UTRN: variants seen among roughly 807,000 people sequenced by gnomAD.
UTRN encodes the protein utrophin.
UTRN carries 283 observed loss-of-function variants against 463.9 expected under a neutral mutation model. That is an observed-to-expected ratio of 0.61 (90% CI 0.55 to 0.67). The LOEUF (loss-of-function observed/expected upper bound fraction) is 0.67. Ranked by LOEUF, UTRN falls within the 30% of genes least tolerant of loss-of-function variation. The pLI, the probability that UTRN is intolerant of heterozygous loss-of-function variation, is 0.00. For missense variants in UTRN, 3,922 were observed against 4,084.3 expected, an observed-to-expected ratio of 0.96 and a Z score of 1.08; for synonymous variants, 1,442 against 1,431.5, an observed-to-expected ratio of 1.01 and a Z score of -0.17.
intron 48 of UTRN, among the ~76,000 whole-genome samples, chr6:144,552,308 A>G (rs957968437): frequency 3.3e-5 from 5 of 152,332 alleles, no homozygotes; most frequent in Non-Finnish European, 7.3e-5. Flanking sequence ...TTTACTAAAT[A>G]CATCATTTTC....
At chr6:144,737,638 G>A (rs1789574855) in intron 54 of UTRN, among the ~76,000 whole-genome samples, 1 of 152,130 alleles carries the variant, frequency 6.6e-6, no homozygotes, top group South Asian at 2.1e-4. Flanking sequence ...TCAGATTTCT[G>A]CTTATAAATG....
At chr6:144,634,208 A>G (rs755645739) in intron 51 of UTRN, among the ~76,000 whole-genome samples, 7 of 152,224 alleles carry the variant, frequency 4.6e-5, no homozygotes, top group Non-Finnish European at 8.8e-5. Flanking sequence ...CCCAGTAAAT[A>G]GCTCATGAGA....
intron 28 of UTRN, 26 bp from the exon 29 acceptor site, chr6:144,487,522 A>ATTTTTTTT: frequency 6.5e-7 from 1 of 1,549,236 alleles, no homozygotes; most frequent in South Asian, 1.2e-5. Context: ...ATGCATTATT[A>ATTTTTTTT]TTTTTTTTTC....
intron 9 of UTRN, among the ~76,000 whole-genome samples, chr6:144,432,066 C>T (rs1277473327): frequency 2.0e-5 from 3 of 152,130 alleles, no homozygotes; most frequent in African/African-American, 2.4e-5. Context: ...ACATGTGCCA[C>T]GGGTGGTGTG....
chr6:144,469,703 C>CTTTTTTTTTTTTTTT (rs545551155), intron 23 of UTRN, among the ~76,000 whole-genome samples: 208 of 135,592 alleles, frequency 1.5e-3, no homozygotes, highest in Admixed American at 3.4e-3. Context: ...TGTTTCTTTC[C>CTTTTTTTTTTTTTTT]TTTTTTTTTT....
intron 61 of UTRN, among the ~76,000 whole-genome samples, chr6:144,788,471 C>G (rs7759693): frequency 0.46 from 69,529 of 151,832 alleles, 18,316 homozygotes; most frequent in African/African-American, 0.72. Flanking sequence ...GACTTTTCTT[C>G]CTGTATGAAG....
intron 46 of UTRN, among the ~76,000 whole-genome samples, chr6:144,547,611 T>A (rs961542092): frequency 1.3e-5 from 2 of 152,204 alleles, no homozygotes; most frequent in Non-Finnish European, 2.9e-5. Context: ...TCTTCATTGA[T>A]CTGTAATTCA....
rs764810018 is a variant in UTRN at position 144,516,278 on chromosome 6, C to T, written c.5294C>T (p.Thr1765Ile). Residue 1765 changes from threonine (T) to isoleucine (I), a missense_variant, in exon 38 of 75, where the codon ACA (threonine) becomes ATA (isoleucine). Coordinates refer to ENST00000367545, the MANE Select transcript of UTRN (RefSeq NM_007124.3). ...TACCAATGTTTGGTCACCACTGAAA[C>T]ATTTGAAACTGGTGTGCCTTTCTCT... Reference protein sequence around the residue: ...PLYQCLVTTETFETGVPFSDL... With the variant: ...PLYQCLVTTEIFETGVPFSDL... 2.5e-6 allele frequency: 4 copies of T among 1,613,688 alleles called. No individual in the cohort carries two copies. Among genetic ancestry groups the T allele is most frequent in the East Asian group, 4.5e-5 (2 of 44,848 alleles).
chr6:144,569,153 G>A (rs1367964781), intron 50 of UTRN, among the ~76,000 whole-genome samples: 2 of 151,856 alleles, frequency 1.3e-5, no homozygotes, highest in Non-Finnish European at 1.5e-5. Flanking sequence ...GGAGGTGGAG[G>A]AAACAACTAA....
At position 144,788,390 on chromosome 6, in the gene UTRN, T is replaced by G. The variant is rs1404263192; in HGVS notation, c.8835-804T>G. On this transcript the variant is annotated intron_variant, in intron 61 of 74. Coordinates refer to ENST00000367545, the MANE Select transcript of UTRN (RefSeq NM_007124.3). Reference sequence around the variant, plus strand: ...TTAATACTTAATTACCAATTAGTATTCAGCAAGTTGTAAGCTCTTAGTATA... The same window carrying G: ...TTAATACTTAATTACCAATTAGTATGCAGCAAGTTGTAAGCTCTTAGTATA... Among the ~76,000 whole-genome samples the G allele has an allele frequency of 3.3e-5, 5 of 152,280 alleles. No individual in the cohort carries two copies. The East Asian group carries it at 9.6e-4, about 29-fold the overall frequency.
At chr6:144,432,461 A>C (rs368937085) in intron 9 of UTRN, among the ~76,000 whole-genome samples, 3 of 152,222 alleles carry the variant, frequency 2.0e-5, no homozygotes, top group African/African-American at 7.2e-5. Context: ...TGGGAAAGCC[A>C]GTGAAAGGTT....
intron 51 of UTRN, among the ~76,000 whole-genome samples, chr6:144,676,119 C>T (rs1781563625): frequency 6.7e-6 from 1 of 149,714 alleles, no homozygotes; most frequent in Non-Finnish European, 1.5e-5. Flanking sequence ...CCAGATAATG[C>T]ATGCAATTGT....
chr6:144,562,213 A>G (rs542306448), intron 50 of UTRN, among the ~76,000 whole-genome samples: 8 of 152,190 alleles, frequency 5.3e-5, no homozygotes, highest in African/African-American at 1.7e-4. Flanking sequence ...ATTTTATTTT[A>G]TTTTATTTTA....
intron 63 of UTRN, among the ~76,000 whole-genome samples, chr6:144,794,355 C>A (rs1777031282): frequency 6.6e-6 from 1 of 152,126 alleles, no homozygotes; most frequent in African/African-American, 2.4e-5. Context: ...CCTGTGTCTG[C>A]TGTTTAGACG....
At chr6:144,440,546 T>C in intron 13 of UTRN, 75 bp downstream of exon 13, 2 of 1,579,758 alleles carry the variant, frequency 1.3e-6, no homozygotes, top group Non-Finnish European at 1.7e-6. Flanking sequence ...CCCTTGTTCT[T>C]CATGTCCTTT....
At chr6:144,699,672 C>A in intron 52 of UTRN, among the ~76,000 whole-genome samples, 1 of 150,110 alleles carries the variant, frequency 6.7e-6, no homozygotes, top group African/African-American at 2.4e-5. Flanking sequence ...CATAAACTAT[C>A]AAAACTTGGT....
At position 144,533,185 on chromosome 6, in the gene UTRN, T is replaced by G. The variant is rs1797217597; in HGVS notation, c.6158T>G (p.Phe2053Cys). The G allele has an allele frequency of 6.2e-7, 1 of 1,614,124 alleles. No homozygotes were observed. The highest frequency in any genetic ancestry group is 2.2e-5 in the East Asian group (1 of 44,878). The change falls in exon 43 of 75, where the codon TTC becomes TGC. Residue 2053 changes from phenylalanine to cysteine, a missense_variant. Coordinates refer to ENST00000367545, the MANE Select transcript of UTRN (RefSeq NM_007124.3). ...VQKLSQADGSFLKEKLAGLNQ... is the reference protein window; with the variant it reads ...VQKLSQADGSCLKEKLAGLNQ... The stretch of plus-strand genomic sequence containing the variant: ...AAACTCTCCCAGGCAGATGGAAGCT[T>G]CTTGAAAGAAAAACTGGCAGGTTTA...
intron 2 of UTRN, among the ~76,000 whole-genome samples, chr6:144,346,665 A>G (rs1343854194): frequency 1.3e-5 from 2 of 152,138 alleles, no homozygotes; most frequent in African/African-American, 2.4e-5. Context: ...TCTACTAAAA[A>G]TACAAAAATT....
chr6:144,790,148 C>G (rs1776639782), intron 62 of UTRN, among the ~76,000 whole-genome samples: 1 of 152,138 alleles, frequency 6.6e-6, no homozygotes, highest in Non-Finnish European at 1.5e-5. Context: ...CTAGAAATAG[C>G]AGTTGTTGAA....
Sources: gnomAD v4.1 joint callset for allele counts (sites outside exome capture counted in the v4.1 genomes callset) on GRCh38, gnomAD v4.1.1 for gene constraint, MANE v1.5 for transcripts, NCBI Gene and HGNC (gene_info 2026-07-23, HGNC 2026-07-21) for gene names.